The following DRC4 variants were observed in gnomAD, a reference collection of about 807,000 sequenced individuals.
DRC4 encodes GAS-11.
the DRC4 span, chr16:90,027,727 G>C: frequency 6.2e-7 from 1 of 1,614,070 alleles, no homozygotes; most frequent in Non-Finnish European, 8.5e-7. Context: ...GAGCAGGTGA[G>C]CAGAGCGGGC....
At chr16:90,022,952 T>A in the DRC4 span, among the ~76,000 whole-genome samples, 1 of 152,114 alleles carries the variant, frequency 6.6e-6, no homozygotes, top group East Asian at 1.9e-4. Flanking sequence ...TCCAGAGCCC[T>A]GTGCTCACAG....
chr16:90,038,467 G>A, the DRC4 span, among the ~76,000 whole-genome samples: 34 of 152,304 alleles, frequency 2.2e-4, no homozygotes, highest in Non-Finnish European at 4.0e-4. Context: ...GCCGACTCCC[G>A]TCTGTTTCTA....
the DRC4 span, among the ~76,000 whole-genome samples, chr16:90,038,022 G>T: frequency 6.6e-6 from 1 of 152,230 alleles, no homozygotes; most frequent in Non-Finnish European, 1.5e-5. Flanking sequence ...GCCTTGGCCA[G>T]GTTTCTGGGT....
chr16:90,036,910 A>C, the DRC4 span: 2 of 552,046 alleles, frequency 3.6e-6, no homozygotes, highest in Admixed American at 3.1e-5. Flanking sequence ...TGTCATAGTC[A>C]CTGCCTGCGA....
the DRC4 span, among the ~76,000 whole-genome samples, chr16:90,033,339 T>G: frequency 1.3e-5 from 2 of 152,198 alleles, no homozygotes; most frequent in East Asian, 3.9e-4. Flanking sequence ...ATTTTTACTT[T>G]TGAGGCTGGG....
chr16:90,041,279 T>C, the DRC4 span, among the ~76,000 whole-genome samples: 7 of 152,290 alleles, frequency 4.6e-5, 1 homozygote, highest in African/African-American at 1.7e-4. Flanking sequence ...GACTTCTAAG[T>C]GAGGAATCTT....
the DRC4 span, among the ~76,000 whole-genome samples, chr16:90,041,614 G>A: frequency 6.6e-6 from 1 of 152,160 alleles, no homozygotes; most frequent in Non-Finnish European, 1.5e-5. Flanking sequence ...GACCAGCCTG[G>A]CCAAGATGGT....
At chr16:90,031,556 A>G in the DRC4 span, 2 of 1,497,204 alleles carry the variant, frequency 1.3e-6, no homozygotes, top group Non-Finnish European at 1.8e-6. Context: ...GAGGAGCTGG[A>G]TCCAGTGAGG....
the DRC4 span, chr16:90,043,822 C>G: frequency 2.1e-6 from 1 of 468,122 alleles, no homozygotes. Context: ...CCAATGCTCC[C>G]TGATGAGCAC....
chr16:90,037,629 C>G, the DRC4 span: 1 of 1,018,508 alleles, frequency 9.8e-7, no homozygotes, highest in East Asian at 2.4e-5. Context: ...TGGTGAGACT[C>G]AGCTGCTTGT....
chr16:90,025,482 C>T, the DRC4 span, among the ~76,000 whole-genome samples: 29 of 151,108 alleles, frequency 1.9e-4, no homozygotes, highest in African/African-American at 7.0e-4. Context: ...AACCCCGTCT[C>T]TACTAAAAAT....
the DRC4 span, among the ~76,000 whole-genome samples, chr16:90,024,968 T>A: frequency 6.6e-6 from 1 of 152,168 alleles, no homozygotes; most frequent in Middle Eastern, 3.4e-3. Flanking sequence ...ATTTCTGTTT[T>A]CTTCTCATCA....
the DRC4 span, among the ~76,000 whole-genome samples, chr16:90,023,027 C>T: frequency 2.6e-5 from 4 of 152,148 alleles, no homozygotes; most frequent in East Asian, 1.9e-4. Flanking sequence ...AGTGAACATG[C>T]GTCAAGGGGA....
the DRC4 span, among the ~76,000 whole-genome samples, chr16:90,028,223 C>T: frequency 7.7e-5 from 9 of 116,894 alleles, no homozygotes; most frequent in East Asian, 1.4e-3. Context: ...CTCACTCTGT[C>T]GCCCAGGCTG....
chr16:90,042,470 G>T, the DRC4 span: 3 of 1,613,766 alleles, frequency 1.9e-6, no homozygotes, highest in Non-Finnish European at 1.7e-6. Flanking sequence ...CTCTCCTCAG[G>T]ATGTTCTTGA....
chr16:90,036,079 C>T, the DRC4 span: 6 of 627,624 alleles, frequency 9.6e-6, no homozygotes, highest in East Asian at 6.4e-5. Context: ...GGTGGCCACA[C>T]AGGCCTCGGT....
chr16:90,024,805 C>CA, the DRC4 span, among the ~76,000 whole-genome samples: 17 of 150,586 alleles, frequency 1.1e-4, no homozygotes, highest in East Asian at 1.8e-3. Context: ...GACTCCATCT[C>CA]AAAAAAAACA....
At chr16:90,037,378 G>A in the DRC4 span, 3 of 1,613,552 alleles carry the variant, frequency 1.9e-6, no homozygotes, top group East Asian at 2.2e-5. Context: ...CAAACTACGA[G>A]AGGGACAAGC....
chr16:90,044,544 G>GT, the DRC4 span: 1 of 471,228 alleles, frequency 2.1e-6, no homozygotes, highest in Non-Finnish European at 4.4e-6. Context: ...TCTTCCTCCA[G>GT]TAGCCCTCAG....
Sources: gnomAD v4.1 joint callset for allele counts (sites outside exome capture counted in the v4.1 genomes callset) on GRCh38, gnomAD v4.1.1 for gene constraint, MANE v1.5 for transcripts, NCBI Gene and HGNC (gene_info 2026-07-23, HGNC 2026-07-21) for gene names.